Variants in TH observed in about 807,000 individuals in gnomAD.
TH encodes the protein tyrosine 3-monooxygenase.
In TH, 49 loss-of-function variants were observed where a neutral mutation model predicts 57.4. The ratio of observed to expected loss-of-function variants is 0.85; its 90% confidence interval spans 0.68 to 1.08. The LOEUF is 1.08. Among genes scored for constraint, TH ranks in the 50% least tolerant of loss-of-function variants. The pLI is 0.00. For synonymous variants in TH, 330 were observed against 304.5 expected, an observed-to-expected ratio of 1.08 and a Z score of -0.87; for missense variants, 720 against 696.7, an observed-to-expected ratio of 1.03 and a Z score of -0.38.
chr11:2,168,633 G>C lies in TH; in HGVS notation c.345C>G (p.Thr115=), dbSNP rs1590169970. 5 of 1,611,742 alleles carry C rather than the reference G, an allele frequency of 3.1e-6. No homozygotes were observed. In the East Asian group the frequency reaches 8.9e-5, roughly 29 times the overall value. ...TFEAKIHHLE[T]RPAQRPRAGG... is the part of the protein sequence containing the mutation. ...CAGCTCGCGGCCTCTGGGCGGGCCG[G>C]GTCTCTAGATGGTGGATTTTGGCTT... Residue 115 remains threonine, a synonymous_variant, in exon 3 of 13, where the codon ACC becomes ACG. Transcript: ENST00000352909.
Position 2,167,749 on chromosome 11 carries a change from G to A in TH, c.644+117C>T, listed in dbSNP as rs1424935328. 15 of 1,296,040 alleles carry A rather than the reference G, an allele frequency of 1.2e-5. No individual in the cohort carries two copies. The African/African-American group carries it at 2.2e-4, about 19-fold the overall frequency. 80.3% of individuals were successfully genotyped at this position (1,296,040 alleles called of 1,614,324 possible). On this transcript the variant is annotated intron_variant, in intron 5 of 12. Transcript: ENST00000352909. ...AGCCCTGGAGCAGAGCTGCCTGGCA[G>A]GAGGCACTGATGCTGGTGACAAGAT...
At position 2,168,572 on chromosome 11, in the gene TH, C is replaced by T. The variant is rs142046543; in HGVS notation, c.406G>A (p.Val136Met). The T allele has an allele frequency of 2.0e-4, 330 of 1,611,688 alleles. No homozygotes were observed. Among genetic ancestry groups the T allele is most frequent in the Non-Finnish European group, 2.6e-4 (309 of 1,179,678 alleles). The change falls in exon 3 of 13, where the codon GTG (valine) becomes ATG (methionine). Residue 136 changes from valine to methionine, a missense_variant. Coordinates refer to ENST00000352909, the MANE Select transcript of TH (RefSeq NM_000360.4). ...PHLEYFVRLEVRRGDLAALLS... is the reference protein window; with the variant it reads ...PHLEYFVRLEMRRGDLAALLS... ...AGGGCGGCCAGGTCCCCTCGGCGCA[C>T]CTCGAGGCGCACGAAGTACTCCAGG...
At chr11:2,167,257 G>A (rs1846124846) in intron 6 of TH, 178 bp downstream of exon 6, 5 of 959,042 alleles carry the variant, frequency 5.2e-6, no homozygotes, top group Middle Eastern at 3.3e-4. Context: ...GGGATGGCCC[G>A]ACAGGATGGG....
Position 2,165,705 on chromosome 11 carries a change from T to A in TH, c.1163A>T (p.Tyr388Phe), listed in dbSNP as rs755107030. 1 of 1,612,646 alleles carries A rather than the reference T, an allele frequency of 6.2e-7. No individual in the cohort carries two copies. The highest frequency in any genetic ancestry group is 8.5e-7 in the Non-Finnish European group (1 of 1,179,930). The change falls in exon 11 of 13, where the codon TAT (tyrosine) becomes TTT (phenylalanine). Residue 388 changes from tyrosine (Y) to phenylalanine (F), a missense_variant. Coordinates refer to ENST00000352909, the MANE Select transcript of TH (RefSeq NM_000360.4). Reference sequence around the variant, plus strand: ...GTAGGAGGACAGCAGCCCGGCACCATAGGCCTTCACCTCCCCGTTCTGCTT... The same window carrying A: ...GTAGGAGGACAGCAGCCCGGCACCAAAGGCCTTCACCTCCCCGTTCTGCTT... ...LCKQNGEVKA[Y>F]GAGLLSSYGE...
chr11:2,164,412 A>G lies in TH; in HGVS notation c.1335-20T>C. On this transcript the variant is annotated intron_variant, in intron 12 of 12. Coordinates refer to ENST00000352909, the MANE Select transcript of TH (RefSeq NM_000360.4). ...TAGCTCCTGGGGAGGAGAGCGGCAGAGCCCTCGTCAACTGGCGGGCAGAGT... is the reference window on the plus strand; with the variant it reads ...TAGCTCCTGGGGAGGAGAGCGGCAGGGCCCTCGTCAACTGGCGGGCAGAGT... 6.5e-7 allele frequency: 1 copy of G among 1,539,602 alleles called. No individual in the cohort carries two copies. Among genetic ancestry groups the G allele is most frequent in the Non-Finnish European group, 8.7e-7 (1 of 1,143,710 alleles).
chr11:2,171,595 G>T lies in TH; in HGVS notation c.90+102C>A. 1 of 1,331,262 alleles carries T rather than the reference G, an allele frequency of 7.5e-7. No homozygotes were observed. Among genetic ancestry groups the T allele is most frequent in the Admixed American group, 1.8e-5 (1 of 55,326 alleles). 82.5% of individuals were successfully genotyped at this position (1,331,262 alleles called of 1,614,324 possible). ...CGTCCCAGGGGTTTGCATGGACCCT[G>T]AGCCTGGGGCTGCCAGCCAGGCTGG... On this transcript the variant is annotated intron_variant, in intron 1 of 12. Coordinates refer to ENST00000352909, the MANE Select transcript of TH (RefSeq NM_000360.4). The surrounding 1 kb of genome is among the most constrained non-coding windows in gnomAD (Gnocchi z 8.6).
chr11:2,166,972 C>A lies in TH; in HGVS notation c.756G>T (p.Leu252=). Residue 252 remains leucine, a synonymous_variant, in exon 7 of 13, where the codon CTG becomes CTT. Transcript: ENST00000352909. The part of the protein sequence containing the change: ...LYATHACGEH[L]EAFALLERFS... Reference sequence around the variant, plus strand: ...AGCGCTCCAGCAAAGCAAAGGCCTCCAGGTGCTCCCCGCAGGCGTGCGTGG... The same window carrying A: ...AGCGCTCCAGCAAAGCAAAGGCCTCAAGGTGCTCCCCGCAGGCGTGCGTGG... The A allele has an allele frequency of 6.3e-7, 1 of 1,594,028 alleles. No homozygotes were observed. Among genetic ancestry groups the A allele is most frequent in the Admixed American group, 1.7e-5 (1 of 57,382 alleles).
chr11:2,169,647 C>T lies in TH; in HGVS notation c.312+3G>A. On this transcript the variant is annotated splice_donor_region_variant and intron_variant, in intron 2 of 12. Transcript: ENST00000352909. ...CCCAGGGACACGAAGGCCACCAGCTCACCTCAAACACCTTCACAGCTCGGG... is the reference window on the plus strand; with the variant it reads ...CCCAGGGACACGAAGGCCACCAGCTTACCTCAAACACCTTCACAGCTCGGG... The T allele has an allele frequency of 5.0e-6, 8 of 1,613,524 alleles. No individual in the cohort carries two copies. Among genetic ancestry groups the T allele is most frequent in the Non-Finnish European group, 6.8e-6 (8 of 1,179,938 alleles).
chr11:2,166,910 T>G lies in TH; in HGVS notation c.818A>C (p.Glu273Ala), dbSNP rs1846110049. The change falls in exon 7 of 13, where the codon GAG becomes GCG. Residue 273 changes from glutamate (E) to alanine (A), a missense_variant. By Grantham distance (107) the Glu-to-Ala change is moderately radical. Transcript: ENST00000352909. ...GYREDNIPQL[E>A]DVSRFLKERT... ...ACCCTTCAGGAAGCGGGAGACGTCCTCCAGCTGGGGGATATTGTCTTCCCG... is the reference window on the plus strand; with the variant it reads ...ACCCTTCAGGAAGCGGGAGACGTCCGCCAGCTGGGGGATATTGTCTTCCCG... 1 of 1,604,686 alleles carries G rather than the reference T, an allele frequency of 6.2e-7. No individual in the cohort carries two copies.
At chr11:2,169,929 C>T (rs1409608700) in intron 1 of TH, 58 bp from the exon 2 acceptor site, 3 of 1,520,186 alleles carry the variant, frequency 2.0e-6, no homozygotes, top group Non-Finnish European at 2.7e-6. Context: ...GGGACCTCCA[C>T]CCACAGCTGG....
At position 2,166,036 on chromosome 11, in the gene TH, C is replaced by G; in HGVS notation, c.1070G>C (p.Gly357Ala). 1 of 1,559,318 alleles carries G rather than the reference C, an allele frequency of 6.4e-7. No individual in the cohort carries two copies. Among genetic ancestry groups the G allele is most frequent in the Non-Finnish European group, 8.7e-7 (1 of 1,151,444 alleles). ...CTTCTCAATTTCCTCATCCGAGGCC[C>G]CCAGGGACGCCAGGCCAATGTCCTG... ...FSQDIGLASL[G>A]ASDEEIEKLS... Residue 357 changes from glycine (G) to alanine (A), a missense_variant, in exon 10 of 13, where the codon GGG (glycine) becomes GCG (alanine). Gly to Ala is a moderately conservative substitution (Grantham distance 60, BLOSUM62 0). Transcript: ENST00000352909.
In TH at chr11:2,164,171, T is replaced by G; in HGVS notation, c.*62A>C. ...CGGGACCCAGCCCCTCACCAGGGCCTGAGCTCCGGGACAGTGCAGGACCAG... is the reference window on the plus strand; with the variant it reads ...CGGGACCCAGCCCCTCACCAGGGCCGGAGCTCCGGGACAGTGCAGGACCAG... On this transcript the variant is annotated 3_prime_UTR_variant, in exon 13 of 13. Coordinates refer to ENST00000352909, the MANE Select transcript of TH (RefSeq NM_000360.4). 31 of 1,317,314 alleles carry G rather than the reference T, an allele frequency of 2.4e-5. No homozygotes were observed. Among genetic ancestry groups the G allele is most frequent in the East Asian group, 3.0e-5 (1 of 33,680 alleles). The allele number at this position is 1,317,314 out of a possible 1,614,324, so 81.6% of individuals were successfully genotyped here.
chr11:2,164,107 C>A lies in TH; in HGVS notation c.*126G>T. ...TTGCGCTGAGAAGCAGGTGCAGGGG[C>A]AGTGGGAGCCTGGCAGCAGGGAGGG... On this transcript the variant is annotated 3_prime_UTR_variant, in exon 13 of 13. Coordinates refer to ENST00000352909, the MANE Select transcript of TH (RefSeq NM_000360.4). 1.2e-6 allele frequency: 1 copy of A among 822,020 alleles called. No homozygotes were observed. The allele number at this position is 822,020 out of a possible 1,614,324, so 50.9% of individuals were successfully genotyped here.
intron 9 of TH, 140 bp downstream of exon 9, chr11:2,166,340 G>T: frequency 8.3e-7 from 1 of 1,201,650 alleles, no homozygotes; most frequent in South Asian, 1.5e-5. Context: ...TATGCCGCGC[G>T]ACCCTCGGGG....
chr11:2,167,324 C>T lies in TH; in HGVS notation c.695+111G>A, dbSNP rs542792764. The stretch of plus-strand genomic sequence containing the variant: ...CCCTGCAAGTCCCTCTTCTTCCCGG[C>T]CTTAGTCTCTCCTGTTGTGCCAAGG... On this transcript the variant is annotated intron_variant, in intron 6 of 12. Transcript: ENST00000352909. The T allele has an allele frequency of 1.0e-5, 13 of 1,292,540 alleles. No individual in the cohort carries two copies. The East Asian group carries it at 3.3e-4, about 33-fold the overall frequency. The allele number at this position is 1,292,540 out of a possible 1,614,324, so 80.1% of individuals were successfully genotyped here. A position where few individuals can be genotyped will look rare whatever the true frequency, so the allele number is the denominator to read the frequency against.
intron 9 of TH, 104 bp downstream of exon 9, chr11:2,166,376 G>A (rs557926415): frequency 2.1e-6 from 3 of 1,413,120 alleles, no homozygotes; most frequent in Non-Finnish European, 2.8e-6. Context: ...GCGGGGCCCG[G>A]GAGCAGGCAG....
chr11:2,165,437 T>C (rs1472757764), intron 11 of TH, 72 bp from the exon 12 acceptor site: 6 of 1,596,068 alleles, frequency 3.8e-6, no homozygotes, highest in Admixed American at 3.3e-5. Context: ...CACCGTGGCC[T>C]GACGCTGGGT....
At position 2,166,552 on chromosome 11, in the gene TH, G is replaced by T. The variant is rs754735292; in HGVS notation, c.978-3C>A. The T allele has an allele frequency of 3.6e-5, 57 of 1,600,866 alleles. No homozygotes were observed. The highest frequency in any genetic ancestry group is 4.6e-5 in the Non-Finnish European group (54 of 1,176,000). ...CCAGCAGCTCGTGGCAGCAGTCCCTGCGCGTAGGAGGGAGAAGGGGGCTGA... is the reference window on the plus strand; with the variant it reads ...CCAGCAGCTCGTGGCAGCAGTCCCTTCGCGTAGGAGGGAGAAGGGGGCTGA... On this transcript the variant is annotated splice_polypyrimidine_tract_variant and splice_region_variant and intron_variant, in intron 8 of 12. Transcript: ENST00000352909.
chr11:2,164,686 C>G (rs1846035764), intron 12 of TH, among the ~76,000 whole-genome samples: 1 of 152,206 alleles, frequency 6.6e-6, no homozygotes, highest in Non-Finnish European at 1.5e-5. Flanking sequence ...TATCCCTAAG[C>G]CTGTGGGTGG....
Sources: allele counts gnomAD v4.1 joint callset (sites outside exome capture counted in the v4.1 genomes callset), GRCh38; gene constraint gnomAD v4.1.1; non-coding constraint Gnocchi (gnomAD v3.1); transcripts MANE v1.5; gene names NCBI Gene and HGNC (gene_info 2026-07-23, HGNC 2026-07-21).